Variants in SPATA13 observed in about 807,000 individuals in gnomAD.
The protein encoded by SPATA13 is spermatogenesis-associated protein 13.
Under a neutral mutation model 104.0 loss-of-function variants are expected in SPATA13, and 50 were observed. The ratio of observed to expected loss-of-function variants is 0.48; its 90% CI spans 0.38 to 0.61. SPATA13 has a LOEUF of 0.61. SPATA13 is among the 20% of genes least tolerant of loss of function. The pLI, the probability that SPATA13 is intolerant of heterozygous loss-of-function variation, is 0.00. For missense variants in SPATA13, 1,524 were observed against 1,690.6 expected (o/e 0.90, Z 1.73); for synonymous variants, 606 against 667.5 (o/e 0.91, Z 1.42).
upstream of SPATA13, among the ~76,000 whole-genome samples, chr13:24,157,615 G>A (rs1181229670): frequency 1.3e-5 from 2 of 152,100 alleles, no homozygotes; most frequent in Non-Finnish European, 2.9e-5. Flanking sequence ...TCCTTTTTCT[G>A]CAGTAGAGGG....
At chr13:24,283,117 G>A (rs1354692371) in intron 4 of SPATA13, among the ~76,000 whole-genome samples, 4 of 152,104 alleles carry the variant, frequency 2.6e-5, no homozygotes, top group Non-Finnish European at 5.9e-5. Context: ...ATTTGCAATC[G>A]GGCCATCGCA....
At chr13:24,022,321 G>A (rs1414572272) in intron 3 of SPATA13, among the ~76,000 whole-genome samples, 1 of 152,236 alleles carries the variant, frequency 6.6e-6, no homozygotes, top group East Asian at 1.9e-4. Context: ...ATAGGCGTGA[G>A]CCACTGCGCC....
intron 3 of SPATA13, chr13:24,033,521 G>C (rs1482495125): frequency 6.6e-6 from 1 of 152,336 alleles, no homozygotes; most frequent in Non-Finnish European, 1.5e-5. Context: ...AGCTCGGACT[G>C]ACCTGGAAGA....
At chr13:24,117,091 CTT>C (rs1326866164) in intron 3 of SPATA13, among the ~76,000 whole-genome samples, 2 of 152,168 alleles carry the variant, frequency 1.3e-5, no homozygotes, top group Non-Finnish European at 2.9e-5. Flanking sequence ...CCAACCCAAG[CTT>C]ACTAAGATAA....
At position 23,984,877 on chromosome 13, in the gene SPATA13, A is replaced by T. The variant is rs114189864; in HGVS notation, c.-147+944A>T. 3.2e-3 allele frequency among the ~76,000 whole-genome samples: 481 copies of T among 152,334 alleles called. 4 individuals carry two copies. The highest frequency in any genetic ancestry group is 0.011 in the African/African-American group (444 of 41,580). ...TTTGAAAAGTCAGCTTTGAACATGA[A>T]TGCAAGTCCCTGCAAGGTAGAATGG... On this transcript the variant is annotated intron_variant, in intron 2 of 14. Coordinates refer to the SPATA13 transcript ENST00000424834.
chr13:24,238,871 G>C (rs570644293), intron 2 of SPATA13, among the ~76,000 whole-genome samples: 11 of 152,268 alleles, frequency 7.2e-5, no homozygotes, highest in Non-Finnish European at 1.5e-4. Context: ...GAACACATTA[G>C]ATTCTTGTAT....
chr13:24,245,566 G>A (rs1382537138), intron 2 of SPATA13, among the ~76,000 whole-genome samples: 2 of 143,190 alleles, frequency 1.4e-5, no homozygotes, highest in Non-Finnish European at 3.0e-5. Context: ...AATACTGAAC[G>A]TAGAATTACA....
intron 2 of SPATA13, among the ~76,000 whole-genome samples, chr13:23,995,777 G>A (rs963975525): frequency 3.3e-5 from 5 of 152,212 alleles, no homozygotes; most frequent in Admixed American, 2.0e-4. Flanking sequence ...TCTTTGAAAC[G>A]TGTAGAGAAT....
chr13:24,292,412 C>T (rs887704568), intron 9 of SPATA13, among the ~76,000 whole-genome samples: 1 of 152,158 alleles, frequency 6.6e-6, no homozygotes, highest in Non-Finnish European at 1.5e-5. Context: ...AGCCAGGCTA[C>T]CCAGGGGCGC....
rs564741030 is a variant in SPATA13, at chr13:24,061,871, T to A, written c.-112+44170T>A. On this transcript the variant is annotated intron_variant, in intron 3 of 14. Coordinates refer to the SPATA13 transcript ENST00000424834. ...ACCCCAAACCTAACATAAAAGTTTT[T>A]AAAAAAAATTAAAAATTAAAAAAAA... Among the ~76,000 whole-genome samples, 429 of 149,460 alleles carry A rather than the reference T, an allele frequency of 2.9e-3. 3 individuals are homozygous for A. Among genetic ancestry groups the A allele is most frequent in the Middle Eastern group, 0.01 (3 of 292 alleles).
chr13:24,012,906 C>A (rs1258080856), intron 2 of SPATA13, among the ~76,000 whole-genome samples: 1 of 152,200 alleles, frequency 6.6e-6, no homozygotes, highest in Non-Finnish European at 1.5e-5. Flanking sequence ...TGGCACTCCC[C>A]AGCTGTGGCT....
At chr13:24,153,322 C>T (rs574614174) in intron 3 of SPATA13, among the ~76,000 whole-genome samples, 4 of 152,358 alleles carry the variant, frequency 2.6e-5, no homozygotes, top group East Asian at 1.9e-4. Flanking sequence ...GTGTGGCCCA[C>T]GTGGCTGGCC....
chr13:24,141,536 C>T (rs911667960), intron 3 of SPATA13, among the ~76,000 whole-genome samples: 3 of 152,180 alleles, frequency 2.0e-5, no homozygotes, highest in Non-Finnish European at 2.9e-5. Flanking sequence ...CTCCTGTGAT[C>T]CCAAAACCTT....
At chr13:24,089,181 G>C (rs1566099272) in intron 3 of SPATA13, among the ~76,000 whole-genome samples, 1 of 152,124 alleles carries the variant, frequency 6.6e-6, no homozygotes, top group Non-Finnish European at 1.5e-5. Context: ...GTGCCTTCCT[G>C]GTGTCTTGCA....
chr13:24,123,775 G>A, intron 3 of SPATA13: 1 of 1,220,976 alleles, frequency 8.2e-7, no homozygotes, highest in Admixed American at 1.7e-5. Context: ...TGGGGCTTTG[G>A]ATTCTTCCAG....
At chr13:24,177,659 T>C (rs1435531160) in intron 1 of SPATA13, among the ~76,000 whole-genome samples, 5 of 151,854 alleles carry the variant, frequency 3.3e-5, no homozygotes, top group African/African-American at 1.2e-4. Flanking sequence ...CAGGGTCTCC[T>C]GTGTTGCCCA....
At chr13:24,211,729 C>T (rs7322383) in intron 1 of SPATA13, among the ~76,000 whole-genome samples, 34,764 of 151,848 alleles carry the variant, frequency 0.23, 4,308 homozygotes, top group South Asian at 0.3. Context: ...TCCGGTGGCA[C>T]TGACGATGAT....
At position 24,249,808 on chromosome 13, in the gene SPATA13, A is replaced by G. The variant is rs1487937076; in HGVS notation, c.1985A>G (p.Asn662Ser). The change falls in exon 3 of 13, where the codon AAC (asparagine) becomes AGC (serine). Residue 662 changes from asparagine (N) to serine (S), a missense_variant. Coordinates refer to ENST00000382108, the MANE Select transcript of SPATA13 (RefSeq NM_001166271.3). ...VIGGVSLYGT[N>S]QTEELDNLLT... Reference sequence around the variant, plus strand: ...GGTGGGGTCAGCTTGTATGGGACCAACCAGACGGAGGAACTGGACAATCTT... The same window carrying G: ...GGTGGGGTCAGCTTGTATGGGACCAGCCAGACGGAGGAACTGGACAATCTT... 1.2e-6 allele frequency: 2 copies of G among 1,611,196 alleles called. No homozygotes were observed. The highest frequency in any genetic ancestry group is 2.2e-5 in the East Asian group (1 of 44,884).
intron 3 of SPATA13, chr13:24,122,286 A>G: frequency 1.5e-6 from 2 of 1,357,646 alleles, no homozygotes; most frequent in Non-Finnish European, 2.1e-6. Flanking sequence ...ATAGTTTGAA[A>G]GATAGTTTGA....
Sources: gnomAD v4.1 joint callset for allele counts (sites outside exome capture counted in the v4.1 genomes callset) on GRCh38, gnomAD v4.1.1 for gene constraint, MANE v1.5 for transcripts, NCBI Gene and HGNC (gene_info 2026-07-23, HGNC 2026-07-21) for gene names.